Variants in SEC24B observed in about 807,000 individuals in gnomAD.
SEC24B encodes protein transport protein Sec24B.
SEC24B carries 45 observed loss-of-function variants against 142.8 expected under a neutral mutation model. That is an observed-to-expected ratio of 0.32 (90% confidence interval 0.25 to 0.40). The LOEUF (loss-of-function observed/expected upper bound fraction) is 0.40. SEC24B is among the 10% of genes least tolerant of loss of function. The probability of loss-of-function intolerance (pLI) is 1.00; values close to 1 mark genes in which losing one functional copy is unlikely to be tolerated. For missense variants in SEC24B, 1,409 were observed against 1,526.8 expected (o/e 0.92, Z 1.29); for synonymous variants, 574 against 568.2 (o/e 1.01, Z -0.15).
intron 3 of SEC24B, among the ~76,000 whole-genome samples, chr4:109,480,910 A>G (rs1240106593): frequency 6.6e-6 from 1 of 152,252 alleles, no homozygotes; most frequent in Non-Finnish European, 1.5e-5. Context: ...ATTAGTAAAC[A>G]GTTACCAATA....
chr4:109,441,013 T>A (rs1728880760), intron 1 of SEC24B, among the ~76,000 whole-genome samples: 1 of 152,248 alleles, frequency 6.6e-6, no homozygotes, highest in African/African-American at 2.4e-5. Flanking sequence ...GCCATCTATT[T>A]TAGCTAGTTT....
At chr4:109,515,093 T>TTTTA (rs894085516) in intron 10 of SEC24B, among the ~76,000 whole-genome samples, 15 of 152,088 alleles carry the variant, frequency 9.9e-5, no homozygotes, top group East Asian at 5.8e-4. Context: ...GTTAGCACAT[T>TTTTA]TTTATTTATT....
At chr4:109,532,491 G>C in intron 20 of SEC24B, 148 bp from the exon 21 acceptor site, 1 of 595,722 alleles carries the variant, frequency 1.7e-6, no homozygotes, top group East Asian at 2.7e-5. Context: ...CTACAGCCAA[G>C]GTGGTAGCAT....
intron 7 of SEC24B, among the ~76,000 whole-genome samples, chr4:109,507,513 A>T (rs949223976): frequency 6.6e-6 from 1 of 152,060 alleles, no homozygotes; most frequent in Non-Finnish European, 1.5e-5. Flanking sequence ...ACTTCAGGTG[A>T]CCTGCCCGCC....
chr4:109,498,797 G>A (rs1213489767), intron 6 of SEC24B, among the ~76,000 whole-genome samples: 2 of 151,960 alleles, frequency 1.3e-5, no homozygotes, highest in African/African-American at 4.8e-5. Context: ...TCTGTGTAAG[G>A]GCTTTTCTTT....
intron 5 of SEC24B, among the ~76,000 whole-genome samples, chr4:109,492,852 C>A (rs1446903765): frequency 6.6e-6 from 1 of 151,058 alleles, no homozygotes; most frequent in Non-Finnish European, 1.5e-5. Context: ...GTAGCTGGGA[C>A]TACAGGTGCA....
At chr4:109,486,607 G>A (rs539058754) in intron 4 of SEC24B, among the ~76,000 whole-genome samples, 1 of 152,134 alleles carries the variant, frequency 6.6e-6, no homozygotes, top group South Asian at 2.1e-4. Flanking sequence ...TCCAAGTACT[G>A]CATTTCATAC....
At chr4:109,507,973 T>C (rs1736887023) in intron 7 of SEC24B, among the ~76,000 whole-genome samples, 1 of 152,100 alleles carries the variant, frequency 6.6e-6, no homozygotes, top group Non-Finnish European at 1.5e-5. Context: ...GCAGTAGTTT[T>C]CCAGCTTTAA....
chr4:109,527,645 G>A (rs1013986949), intron 18 of SEC24B, among the ~76,000 whole-genome samples: 4 of 151,928 alleles, frequency 2.6e-5, no homozygotes, highest in South Asian at 2.1e-4. Context: ...GGTGGCAGGC[G>A]CCTGTAATCG....
Position 109,535,542 on chromosome 4 carries a change from C to T in SEC24B, c.3588+1857C>T, listed in dbSNP as rs189054668. ...CTGCACTCCAACCTGGACGACAGAG[C>T]AAGACTCCGTCTAAAAAAAAAAGTG... On this transcript the variant is annotated intron_variant, in intron 22 of 23. Transcript: ENST00000265175. 3.0e-3 allele frequency among the ~76,000 whole-genome samples: 453 copies of T among 149,908 alleles called. 3 individuals are homozygous for T. The highest frequency in any genetic ancestry group is 0.01 in the African/African-American group (408 of 40,658).
intron 9 of SEC24B, 42 bp downstream of exon 9, chr4:109,512,125 G>A: frequency 6.5e-7 from 1 of 1,526,922 alleles, no homozygotes; most frequent in Non-Finnish European, 8.8e-7. Context: ...CCTATTTTCA[G>A]GTTTTTTTTT....
At chr4:109,487,421 A>G (rs1372038882) in intron 4 of SEC24B, among the ~76,000 whole-genome samples, 1 of 152,164 alleles carries the variant, frequency 6.6e-6, no homozygotes, top group Non-Finnish European at 1.5e-5. Flanking sequence ...GGTAAAAGGG[A>G]GGATGGTAAA....
chr4:109,492,034 C>T (rs930363959), intron 5 of SEC24B, among the ~76,000 whole-genome samples: 6 of 151,896 alleles, frequency 4.0e-5, no homozygotes, highest in African/African-American at 1.5e-4. Flanking sequence ...TCTCTCTTTT[C>T]CTAATGATTC....
At chr4:109,472,246 A>G (rs141756663) in intron 2 of SEC24B, among the ~76,000 whole-genome samples, 2,623 of 152,286 alleles carry the variant, frequency 0.017, 29 homozygotes, top group South Asian at 0.035. Context: ...GTGACTGCTC[A>G]CCAGTAGTCT....
chr4:109,449,834 T>A (rs1729877577), intron 1 of SEC24B, among the ~76,000 whole-genome samples: 1 of 152,186 alleles, frequency 6.6e-6, no homozygotes, highest in Non-Finnish European at 1.5e-5. Context: ...TAGAGGGATG[T>A]CTACGAGGTT....
intron 1 of SEC24B, among the ~76,000 whole-genome samples, chr4:109,456,334 G>GTTTTTTTTTTTTTTTTT (rs70949081): frequency 1.1e-5 from 1 of 94,106 alleles, no homozygotes; most frequent in African/African-American, 4.1e-5. Flanking sequence ...GGTTTTTTTT[G>GTTTTTTTTTTTTTTTTT]TTTTTTTTTT....
At chr4:109,517,510 A>G (rs914663450) in intron 11 of SEC24B, among the ~76,000 whole-genome samples, 1 of 152,192 alleles carries the variant, frequency 6.6e-6, no homozygotes, top group Non-Finnish European at 1.5e-5. Flanking sequence ...GAATAAGTTC[A>G]AGAGATCTGT....
chr4:109,518,526 T>C (rs1468623443), intron 11 of SEC24B, among the ~76,000 whole-genome samples: 1 of 152,232 alleles, frequency 6.6e-6, no homozygotes, highest in Non-Finnish European at 1.5e-5. Flanking sequence ...TGTTGAATGC[T>C]ACTTCTAGTC....
chr4:109,529,232 G>A (rs1015005773), intron 18 of SEC24B, among the ~76,000 whole-genome samples: 25 of 152,160 alleles, frequency 1.6e-4, no homozygotes, highest in African/African-American at 5.3e-4. Context: ...TCAAAAGCTT[G>A]TATATCAGAT....
Sources: gnomAD v4.1 joint callset for allele counts (sites outside exome capture counted in the v4.1 genomes callset) on GRCh38, gnomAD v4.1.1 for gene constraint, MANE v1.5 for transcripts, NCBI Gene and HGNC (gene_info 2026-07-23, HGNC 2026-07-21) for gene names.